KCNG3: variants seen among roughly 807,000 people sequenced by gnomAD.
KCNG3 encodes voltage-gated potassium channel regulatory subunit KCNG3.
Under a neutral mutation model 29.0 loss-of-function variants are expected in KCNG3, and 15 were observed. That is an observed-to-expected ratio of 0.52 (90% CI 0.35 to 0.80). The LOEUF (loss-of-function observed/expected upper bound fraction) is 0.80, where lower values mean the gene tolerates loss of function less well. Ranked by LOEUF, KCNG3 falls within the 30% of genes least tolerant of loss-of-function variation. KCNG3 has a pLI of 0.01. For synonymous variants in KCNG3, 322 were observed against 248.9 expected (o/e 1.29, Z -2.76); for missense variants, 512 against 605.7 (o/e 0.85, Z 1.62).
intron 1 of KCNG3, among the ~76,000 whole-genome samples, chr2:42,455,707 T>G (rs1400188609): frequency 6.6e-6 from 1 of 152,104 alleles, no homozygotes; most frequent in East Asian, 1.9e-4. Flanking sequence ...AGCTTGGGGC[T>G]GCAGTGAACT....
At chr2:42,413,443 T>C in the KCNG3 span, among the ~76,000 whole-genome samples, 1 of 152,220 alleles carries the variant, frequency 6.6e-6, no homozygotes, top group East Asian at 1.9e-4. Context: ...TTTATCACAT[T>C]TTTCTTTCTC....
chr2:42,449,874 T>C (rs1046513768), intron 1 of KCNG3, among the ~76,000 whole-genome samples: 3 of 152,176 alleles, frequency 2.0e-5, no homozygotes, highest in Non-Finnish European at 2.9e-5. Context: ...TTTCCTTAGA[T>C]TGGCTTGTGG....
chr2:42,399,913 T>C, the KCNG3 span, among the ~76,000 whole-genome samples: 2 of 149,022 alleles, frequency 1.3e-5, no homozygotes, highest in African/African-American at 4.8e-5. Flanking sequence ...CCTTCCACTC[T>C]TTGAGTTCTT....
chr2:42,427,650 T>C, the KCNG3 span, among the ~76,000 whole-genome samples: 1 of 152,132 alleles, frequency 6.6e-6, no homozygotes, highest in Admixed American at 6.6e-5. Context: ...ACTATCATTG[T>C]ATAAAAATGG....
intron 1 of KCNG3, among the ~76,000 whole-genome samples, chr2:42,457,632 C>CACACACACAA (rs1672911025): frequency 7.3e-6 from 1 of 136,240 alleles, no homozygotes; most frequent in Non-Finnish European, 1.5e-5. Context: ...AGATCTCACA[C>CACACACACAA]ACACACACAC....
At chr2:42,396,549 G>A in the KCNG3 span, among the ~76,000 whole-genome samples, 1 of 152,316 alleles carries the variant, frequency 6.6e-6, no homozygotes, top group South Asian at 2.1e-4. Context: ...GGCAAGAAGA[G>A]GTCAGTTTGG....
At chr2:42,402,500 A>AC in the KCNG3 span, among the ~76,000 whole-genome samples, 476 of 152,384 alleles carry the variant, frequency 3.1e-3, 5 homozygotes, top group Non-Finnish European at 3.7e-3. Flanking sequence ...AGCCTGGGCA[A>AC]CATAGTGAGA....
intron 1 of KCNG3, among the ~76,000 whole-genome samples, chr2:42,469,145 G>A (rs181752163): frequency 2.6e-4 from 40 of 152,020 alleles, no homozygotes; most frequent in African/African-American, 8.4e-4. Context: ...CAGGCCGGGC[G>A]CAGTGGCTCA....
the KCNG3 span, among the ~76,000 whole-genome samples, chr2:42,426,569 A>G: frequency 6.6e-6 from 1 of 152,254 alleles, no homozygotes; most frequent in African/African-American, 2.4e-5. Flanking sequence ...CAATAAAAAT[A>G]ATGGTTAAAA....
intron 1 of KCNG3, among the ~76,000 whole-genome samples, chr2:42,475,526 C>T (rs55748930): frequency 1.1e-4 from 16 of 151,616 alleles, no homozygotes; most frequent in Admixed American, 3.3e-4. Flanking sequence ...CACGGGATTT[C>T]GCCATGTTGG....
chr2:42,428,396 G>C, the KCNG3 span, among the ~76,000 whole-genome samples: 2 of 148,322 alleles, frequency 1.3e-5, no homozygotes, highest in African/African-American at 5.0e-5. Context: ...GGGAGGCAGA[G>C]GTTGCGGTGA....
At chr2:42,391,266 T>C in the KCNG3 span, among the ~76,000 whole-genome samples, 1 of 152,154 alleles carries the variant, frequency 6.6e-6, no homozygotes. Context: ...GCGCTCCACA[T>C]TGTCCTCACT....
At chr2:42,412,402 A>G in the KCNG3 span, among the ~76,000 whole-genome samples, 1 of 152,172 alleles carries the variant, frequency 6.6e-6, no homozygotes, top group Non-Finnish European at 1.5e-5. Flanking sequence ...AACTGATTCA[A>G]GGTTCTTTAG....
chr2:42,470,442 G>A (rs1394212123), intron 1 of KCNG3, among the ~76,000 whole-genome samples: 2 of 152,164 alleles, frequency 1.3e-5, no homozygotes, highest in African/African-American at 4.8e-5. Flanking sequence ...GGTCCGTACA[G>A]GAGGAATGCA....
chr2:42,465,137 A>G (rs1673108623), intron 1 of KCNG3, among the ~76,000 whole-genome samples: 1 of 152,374 alleles, frequency 6.6e-6, no homozygotes. Flanking sequence ...ACAAAAATTA[A>G]TGAGAATGAG....
At position 42,466,728 on chromosome 2, in the gene KCNG3, G is replaced by C. The variant is rs1003213631; in HGVS notation, c.666-22149C>G. ...ATTGTGGTTTTTGCCATAGGAATTA[G>C]TGGCAAAAACTGCAAATACTCTTCC... On this transcript the variant is annotated intron_variant, in intron 1 of 1. Transcript: ENST00000306078. 4.0e-5 allele frequency among the ~76,000 whole-genome samples: 6 copies of C among 150,822 alleles called. No individual in the cohort carries two copies. The Admixed American group carries it at 4.0e-4, about 10-fold the overall frequency.
chr2:42,458,765 G>C (rs1572848163), intron 1 of KCNG3, among the ~76,000 whole-genome samples: 1 of 149,148 alleles, frequency 6.7e-6, no homozygotes, highest in African/African-American at 2.5e-5. Context: ...TAAAACCTCA[G>C]AAAGAAGCAA....
intron 1 of KCNG3, among the ~76,000 whole-genome samples, chr2:42,461,182 C>CAAAAAA (rs34199989): frequency 1.8e-3 from 100 of 56,342 alleles, no homozygotes; most frequent in East Asian, 2.1e-3. Context: ...CAAAACAAAA[C>CAAAAAA]AAAAAAAAAA....
In KCNG3 at chr2:42,493,617, C is replaced by T. The variant is rs1673979878; in HGVS notation, c.-116G>A. 1 of 945,026 alleles carries T rather than the reference C, an allele frequency of 1.1e-6. No homozygotes were observed. Among genetic ancestry groups the T allele is most frequent in the Non-Finnish European group, 1.4e-6 (1 of 729,742 alleles). The allele number at this position is 945,026 out of a possible 1,614,324, so 58.5% of individuals were successfully genotyped here. On this transcript the variant is annotated 5_prime_UTR_variant, in exon 1 of 2. Transcript: ENST00000306078. ...CGGGGGAGCGCGCCGTCGGGGCCCG[C>T]GCTCCCTCGGGGCTCCGCTCCTGCC... is the stretch of plus-strand genomic sequence containing the variant.
Sources: gnomAD v4.1 joint callset for allele counts (sites outside exome capture counted in the v4.1 genomes callset) on GRCh38, gnomAD v4.1.1 for gene constraint, MANE v1.5 for transcripts, NCBI Gene and HGNC (gene_info 2026-07-23, HGNC 2026-07-21) for gene names.